The following HYCC2 variants were observed in gnomAD, a reference collection of about 807,000 sequenced individuals.
HYCC2 encodes the protein hyccin PI4KA lipid kinase complex subunit 2.
chr2:201,004,771 A>C, the HYCC2 span, among the ~76,000 whole-genome samples: 1 of 152,170 alleles, frequency 6.6e-6, no homozygotes, highest in Non-Finnish European at 1.5e-5. Flanking sequence ...ATCCCTCGGC[A>C]CTTTGGGAGG....
chr2:201,060,064 G>T, the HYCC2 span, among the ~76,000 whole-genome samples: 1 of 140,360 alleles, frequency 7.1e-6, no homozygotes, highest in South Asian at 2.6e-4. Context: ...CGGGGGGGGG[G>T]GGGTTCTTCT....
At chr2:201,039,453 T>C in the HYCC2 span, among the ~76,000 whole-genome samples, 1 of 152,350 alleles carries the variant, frequency 6.6e-6, no homozygotes, top group South Asian at 2.1e-4. Flanking sequence ...AAATACCTTC[T>C]TCAAATATCG....
chr2:200,997,272 C>T, the HYCC2 span: 1,834 of 486,152 alleles, frequency 3.8e-3, 33 homozygotes, highest in African/African-American at 0.033. Flanking sequence ...ACCAAAACAA[C>T]AACAACAACA....
the HYCC2 span, chr2:201,022,118 G>C: frequency 6.2e-6 from 8 of 1,288,732 alleles, no homozygotes; most frequent in Non-Finnish European, 8.1e-6. Flanking sequence ...GCTGTATCTG[G>C]GAAGATAAGA....
chr2:201,053,917 T>C, the HYCC2 span, among the ~76,000 whole-genome samples: 2 of 152,232 alleles, frequency 1.3e-5, no homozygotes, highest in African/African-American at 2.4e-5. Context: ...TGAGCTGAGA[T>C]TGCACCACTG....
the HYCC2 span, among the ~76,000 whole-genome samples, chr2:200,991,564 G>A: frequency 6.9e-5 from 10 of 144,580 alleles, no homozygotes; most frequent in Admixed American, 2.1e-4. Flanking sequence ...GCAAGACTCC[G>A]TCTCAAAAAA....
the HYCC2 span, among the ~76,000 whole-genome samples, chr2:201,041,490 T>C: frequency 4.6e-5 from 7 of 152,224 alleles, no homozygotes; most frequent in Non-Finnish European, 1.0e-4. Flanking sequence ...GCTACTTAAG[T>C]GGCTGGCTCC....
chr2:201,061,884 T>C, the HYCC2 span, among the ~76,000 whole-genome samples: 1 of 152,060 alleles, frequency 6.6e-6, no homozygotes, highest in Non-Finnish European at 1.5e-5. Flanking sequence ...GGCAGGCAGA[T>C]CACTTGAGCC....
chr2:201,042,270 C>G, the HYCC2 span, among the ~76,000 whole-genome samples: 1 of 152,224 alleles, frequency 6.6e-6, no homozygotes, highest in Non-Finnish European at 1.5e-5. Context: ...CAATGTTGCC[C>G]AGGCTGGAGT....
chr2:201,021,211 A>G, the HYCC2 span, among the ~76,000 whole-genome samples: 1 of 152,178 alleles, frequency 6.6e-6, no homozygotes, highest in Non-Finnish European at 1.5e-5. Context: ...AAAGTCCAGA[A>G]TTGTTTTGAA....
the HYCC2 span, chr2:200,997,251 T>G: frequency 8.6e-6 from 4 of 466,674 alleles, no homozygotes; most frequent in African/African-American, 8.0e-5. Flanking sequence ...AGAAATCCTA[T>G]CTCATAAAAA....
chr2:200,977,614 G>C, the HYCC2 span: 1 of 152,254 alleles, frequency 6.6e-6, no homozygotes, highest in East Asian at 1.9e-4. Flanking sequence ...ACTTCTGGGA[G>C]GCCAGGTGGG....
At chr2:201,033,733 G>A in the HYCC2 span, among the ~76,000 whole-genome samples, 1 of 151,862 alleles carries the variant, frequency 6.6e-6, no homozygotes, top group Non-Finnish European at 1.5e-5. Flanking sequence ...TAGAGAGCGG[G>A]TTTTCCTATG....
chr2:200,998,419 G>GCTAAAGTAAA, the HYCC2 span, among the ~76,000 whole-genome samples: 3 of 152,060 alleles, frequency 2.0e-5, no homozygotes, highest in Non-Finnish European at 4.4e-5. Context: ...AATTCTCTCT[G>GCTAAAGTAAA]CTAAAGTAAA....
the HYCC2 span, chr2:201,063,156 T>G: frequency 6.2e-7 from 1 of 1,610,594 alleles, no homozygotes; most frequent in Non-Finnish European, 8.5e-7. Flanking sequence ...GGGTTGAGCT[T>G]TGAAACAACC....
the HYCC2 span, among the ~76,000 whole-genome samples, chr2:201,029,372 G>T: frequency 6.6e-6 from 1 of 152,164 alleles, no homozygotes; most frequent in Non-Finnish European, 1.5e-5. Context: ...ACAGTGCAGC[G>T]ATTCCTCAAG....
chr2:201,040,758 T>C, the HYCC2 span, among the ~76,000 whole-genome samples: 5 of 152,224 alleles, frequency 3.3e-5, no homozygotes, highest in African/African-American at 1.2e-4. Context: ...ACGCTGTGAT[T>C]ACAGGCGTGA....
chr2:201,046,390 A>C, the HYCC2 span, among the ~76,000 whole-genome samples: 5 of 152,154 alleles, frequency 3.3e-5, no homozygotes. Context: ...GGGCTTTCAC[A>C]TGTGAGTTTT....
At chr2:201,064,636 T>G in the HYCC2 span, among the ~76,000 whole-genome samples, 1 of 152,210 alleles carries the variant, frequency 6.6e-6, no homozygotes. Context: ...TAAAAGTGAT[T>G]GTTGGCACAT....
Sources: gnomAD v4.1 joint callset for allele counts (sites outside exome capture counted in the v4.1 genomes callset) on GRCh38, gnomAD v4.1.1 for gene constraint, MANE v1.5 for transcripts, NCBI Gene and HGNC (gene_info 2026-07-23, HGNC 2026-07-21) for gene names.